CDH12: variants seen among roughly 807,000 people sequenced by gnomAD.
CDH12 encodes cadherin 12, also known as cadherin-12.
Under a neutral mutation model 74.1 loss-of-function variants are expected in CDH12, and 41 were observed. The observed-to-expected ratio is 0.55, with a 90% CI of 0.43 to 0.72. The LOEUF (loss-of-function observed/expected upper bound fraction) is 0.72, where lower values mean the gene tolerates loss of function less well. CDH12 is among the 30% of genes least tolerant of loss of function. The pLI is 0.00. For missense variants in CDH12, 945 were observed against 977.2 expected (o/e 0.97, Z 0.44); for synonymous variants, 399 against 355.0 (o/e 1.12, Z -1.39).
At chr5:22,156,597 T>C (rs933950597) in intron 4 of CDH12, among the ~76,000 whole-genome samples, 3 of 152,200 alleles carry the variant, frequency 2.0e-5, no homozygotes, top group Non-Finnish European at 2.9e-5. Context: ...AGAAGGAAGG[T>C]GACTGAAAAA....
intron 8 of CDH12, among the ~76,000 whole-genome samples, chr5:21,831,081 G>A (rs970508439): frequency 6.6e-6 from 1 of 150,636 alleles, no homozygotes. Flanking sequence ...AAAAAACCAA[G>A]CAAACAAACA....
At chr5:22,672,860 T>G (rs1740977257) in intron 1 of CDH12, among the ~76,000 whole-genome samples, 1 of 152,186 alleles carries the variant, frequency 6.6e-6, no homozygotes, top group Non-Finnish European at 1.5e-5. Context: ...TTTCTAAGCA[T>G]ATGAATAAAG....
chr5:22,778,934 A>T (rs921136638), intron 1 of CDH12, among the ~76,000 whole-genome samples: 1 of 152,266 alleles, frequency 6.6e-6, no homozygotes, highest in Admixed American at 6.5e-5. Context: ...AGAATAAAAA[A>T]CACTTTTTAT....
intron 4 of CDH12, among the ~76,000 whole-genome samples, chr5:22,099,414 G>C (rs577037589): frequency 1.6e-4 from 24 of 152,186 alleles, no homozygotes; most frequent in Admixed American, 1.2e-3. Context: ...AAAAGGACTG[G>C]ACAATACTTT....
At chr5:21,875,337 G>A (rs1437102282) in intron 6 of CDH12, among the ~76,000 whole-genome samples, 1 of 152,166 alleles carries the variant, frequency 6.6e-6, no homozygotes, top group East Asian at 1.9e-4. Flanking sequence ...ACTTATTTAT[G>A]CATTAATTCA....
chr5:22,169,052 G>C (rs1398453559), intron 4 of CDH12, among the ~76,000 whole-genome samples: 2 of 151,392 alleles, frequency 1.3e-5, no homozygotes, highest in Non-Finnish European at 3.0e-5. Context: ...TCCAATCTCT[G>C]TTTCTCTAGT....
intron 5 of CDH12, among the ~76,000 whole-genome samples, chr5:22,003,953 CT>C (rs1204729264): frequency 2.7e-5 from 4 of 148,750 alleles, no homozygotes; most frequent in Non-Finnish European, 5.9e-5. Flanking sequence ...AAATTGTCTT[CT>C]TTTTTTGTCC....
chr5:21,980,353 C>T (rs1757257431), intron 5 of CDH12, among the ~76,000 whole-genome samples: 1 of 151,810 alleles, frequency 6.6e-6, no homozygotes, highest in South Asian at 2.1e-4. Context: ...ACATATGGCT[C>T]TTATGGAGGT....
chr5:22,382,890 G>A (rs1015511124), intron 3 of CDH12, among the ~76,000 whole-genome samples: 4 of 151,996 alleles, frequency 2.6e-5, no homozygotes, highest in Non-Finnish European at 5.9e-5. Flanking sequence ...TAGTGCAATG[G>A]CGCAATCTCA....
chr5:21,820,545 C>G (rs957118139), intron 8 of CDH12, among the ~76,000 whole-genome samples: 18 of 151,944 alleles, frequency 1.2e-4, no homozygotes, highest in Admixed American at 6.6e-5. Flanking sequence ...ACACAGCAGA[C>G]ATACATTTTA....
intron 11 of CDH12, among the ~76,000 whole-genome samples, chr5:21,771,886 T>G (rs1745341993): frequency 6.6e-6 from 1 of 152,196 alleles, no homozygotes; most frequent in African/African-American, 2.4e-5. Flanking sequence ...TCGTGTCATG[T>G]GATGTCACTA....
At chr5:22,846,845 C>A (rs901798262) in intron 1 of CDH12, among the ~76,000 whole-genome samples, 1 of 152,114 alleles carries the variant, frequency 6.6e-6, no homozygotes, top group Non-Finnish European at 1.5e-5. Flanking sequence ...TCATTTATAC[C>A]TCTTTCCCTC....
At chr5:22,852,380 T>G (rs1277416541) in intron 1 of CDH12, among the ~76,000 whole-genome samples, 1 of 152,206 alleles carries the variant, frequency 6.6e-6, no homozygotes, top group Non-Finnish European at 1.5e-5. Flanking sequence ...ATGTCCTATA[T>G]CACACATATT....
chr5:22,582,556 C>A (rs1194375358), intron 1 of CDH12, among the ~76,000 whole-genome samples: 1 of 152,114 alleles, frequency 6.6e-6, no homozygotes, highest in Non-Finnish European at 1.5e-5. Context: ...CACAGGAGTA[C>A]CTGAGAGCCT....
chr5:22,190,973 G>A (rs948209474), intron 4 of CDH12, among the ~76,000 whole-genome samples: 2 of 152,150 alleles, frequency 1.3e-5, no homozygotes, highest in East Asian at 1.9e-4. Context: ...TGGGAGTATC[G>A]TGATATCTTT....
At chr5:21,880,615 CCTTCTTTCTTTCT>C (rs1752255205) in intron 6 of CDH12, among the ~76,000 whole-genome samples, 1 of 84,658 alleles carries the variant, frequency 1.2e-5, no homozygotes, top group African/African-American at 4.7e-5. Context: ...TTCCTTCCTT[CCTTCTTTCTTTCT>C]TTCTTTCTTT....
intron 2 of CDH12, among the ~76,000 whole-genome samples, chr5:22,471,023 T>C (rs966801818): frequency 1.3e-5 from 2 of 152,174 alleles, no homozygotes; most frequent in Admixed American, 6.5e-5. Flanking sequence ...TCCAGCTAGA[T>C]TTCTCTAATC....
intron 5 of CDH12, among the ~76,000 whole-genome samples, chr5:22,065,900 G>A (rs929284384): frequency 5.9e-5 from 9 of 152,050 alleles, no homozygotes; most frequent in Non-Finnish European, 1.3e-4. Context: ...ATTGGCTAGG[G>A]GGTCATCCTG....
intron 1 of CDH12, among the ~76,000 whole-genome samples, chr5:22,821,800 T>C (rs1297388043): frequency 5.3e-5 from 8 of 150,818 alleles, no homozygotes; most frequent in East Asian, 1.9e-4. Flanking sequence ...AAAATGGCCA[T>C]ACTGCCCAAG....
Sources: gnomAD v4.1 joint callset for allele counts (sites outside exome capture counted in the v4.1 genomes callset) on GRCh38, gnomAD v4.1.1 for gene constraint, MANE v1.5 for transcripts, NCBI Gene and HGNC (gene_info 2026-07-23, HGNC 2026-07-21) for gene names.